DLGAP2: variants seen among roughly 807,000 people sequenced by gnomAD.
The protein encoded by DLGAP2 is DLG associated protein 2.
DLGAP2 carries 26 observed loss-of-function variants against 100.3 expected under a neutral mutation model. The observed-to-expected ratio is 0.26, with a 90% CI of 0.19 to 0.36. DLGAP2 has a LOEUF of 0.36. Ranked by LOEUF, DLGAP2 falls within the 10% of genes least tolerant of loss-of-function variation. The probability of loss-of-function intolerance (pLI) is 1.00; values close to 1 mark genes in which losing one functional copy is unlikely to be tolerated. For synonymous variants in DLGAP2, 886 were observed against 630.1 expected, an observed-to-expected ratio of 1.41 and a Z score of -6.08; for missense variants, 1,858 against 1,453.2, an observed-to-expected ratio of 1.28 and a Z score of -4.53.
intron 2 of DLGAP2, among the ~76,000 whole-genome samples, chr8:999,391 C>A (rs965475106): frequency 6.6e-6 from 1 of 151,354 alleles, no homozygotes; most frequent in Non-Finnish European, 1.5e-5. Flanking sequence ...TATTTTGAAT[C>A]TTCTATGTCA....
At chr8:1,483,158 G>T (rs1385317466) in intron 3 of DLGAP2, among the ~76,000 whole-genome samples, 1 of 152,202 alleles carries the variant, frequency 6.6e-6, no homozygotes, top group Non-Finnish European at 1.5e-5. Flanking sequence ...GCTGCTGGGC[G>T]TTTGCAGGGA....
In DLGAP2 at chr8:1,375,101, C is replaced by T. The variant is rs1020054139; in HGVS notation, c.106+116218C>T. ...CCTCTCCACGACCTCAGAACTGAGCCCCCACCTCCTACATTTGGGTTAACG... is the reference window on the plus strand; with the variant it reads ...CCTCTCCACGACCTCAGAACTGAGCTCCCACCTCCTACATTTGGGTTAACG... On this transcript the variant is annotated intron_variant, in intron 3 of 14. Transcript: ENST00000637795. Among the ~76,000 whole-genome samples the T allele has an allele frequency of 5.5e-5, 8 of 146,670 alleles. 1 individual carries two copies. The highest frequency in any genetic ancestry group is 1.2e-4 in the Non-Finnish European group (8 of 66,112).
chr8:1,377,008 G>T (rs190111093), intron 3 of DLGAP2, among the ~76,000 whole-genome samples: 119 of 152,368 alleles, frequency 7.8e-4, no homozygotes, highest in Non-Finnish European at 1.5e-3. Flanking sequence ...ACATGCTTCA[G>T]CAGAACCACA....
chr8:1,369,965 CAG>C (rs1461641505), intron 3 of DLGAP2: 5 of 152,238 alleles, frequency 3.3e-5, no homozygotes, highest in African/African-American at 1.2e-4. Flanking sequence ...CCTGAAATCT[CAG>C]AGTGATGGGG....
intron 3 of DLGAP2, among the ~76,000 whole-genome samples, chr8:1,452,280 G>A (rs117503767): frequency 1.6e-3 from 241 of 152,368 alleles, no homozygotes; most frequent in East Asian, 6.4e-3. Context: ...GTGTTCTGTG[G>A]CTGGGCGCTC....
intron 4 of DLGAP2, among the ~76,000 whole-genome samples, chr8:1,502,068 C>G (rs56127539): frequency 0.022 from 3,364 of 152,336 alleles, 120 homozygotes; most frequent in African/African-American, 0.075. Context: ...TTGAATACAT[C>G]TGACATCAAA....
intron 1 of DLGAP2, among the ~76,000 whole-genome samples, chr8:906,507 C>T (rs1798383588): frequency 6.6e-6 from 1 of 152,178 alleles, no homozygotes; most frequent in African/African-American, 2.4e-5. Flanking sequence ...GCGAGGAGCC[C>T]TCGAAGGCGT....
Position 1,379,198 on chromosome 8 carries a change from G to C in DLGAP2, c.106+120315G>C, listed in dbSNP as rs1796033247. ...CTCACGGGGCCACCCGCTGCCATCA[G>C]CCCGAGTCCTCCTGCCTTCGCAAAT... On this transcript the variant is annotated intron_variant, in intron 3 of 14. Transcript: ENST00000637795. Among the ~76,000 whole-genome samples, 3 of 152,264 alleles carry C rather than the reference G, an allele frequency of 2.0e-5. No individual in the cohort carries two copies. In the South Asian group the frequency reaches 6.2e-4, roughly 32 times the overall value.
At chr8:1,593,752 C>G (rs978160643) in intron 6 of DLGAP2, among the ~76,000 whole-genome samples, 9 of 152,296 alleles carry the variant, frequency 5.9e-5, no homozygotes, top group African/African-American at 2.2e-4. Flanking sequence ...CTGGCCCACT[C>G]TGGTTGCCTG....
At chr8:1,429,579 A>G (rs1479963356) in intron 3 of DLGAP2, among the ~76,000 whole-genome samples, 1 of 152,064 alleles carries the variant, frequency 6.6e-6, no homozygotes, top group Non-Finnish European at 1.5e-5. Flanking sequence ...TACAATAACA[A>G]CTTACAAGAA....
At chr8:1,411,253 T>C (rs763213049) in intron 3 of DLGAP2, among the ~76,000 whole-genome samples, 10 of 152,232 alleles carry the variant, frequency 6.6e-5, no homozygotes, top group Non-Finnish European at 1.5e-4. Flanking sequence ...CTTTTAACAA[T>C]GTGCAATGCA....
Position 1,703,531 on chromosome 8 carries a change from C to T in DLGAP2, c.*2125C>T, listed in dbSNP as rs985441904. 1.3e-5 allele frequency: 2 copies of T among 152,346 alleles called. No individual in the cohort carries two copies. The highest frequency in any genetic ancestry group is 6.6e-5 in the Admixed American group (1 of 15,258). The allele number at this position is 152,346 out of a possible 1,614,324, so 9.4% of individuals were successfully genotyped here. A position where few individuals can be genotyped will look rare whatever the true frequency, so the allele number is the denominator to read the frequency against. ...GATGAACTCTGCTGTTTAGAAGTAA[C>T]CACAGAAAAGCAAAGTCAGTGTACA... On this transcript the variant is annotated 3_prime_UTR_variant, in exon 15 of 15. Transcript: ENST00000637795.
intron 3 of DLGAP2, among the ~76,000 whole-genome samples, chr8:1,439,148 G>A (rs909400386): frequency 3.3e-5 from 5 of 152,092 alleles, no homozygotes; most frequent in Admixed American, 6.5e-5. Flanking sequence ...CACGTGGAGC[G>A]TTAAGTGCTG....
chr8:1,377,442 G>C (rs1795981178), intron 3 of DLGAP2, among the ~76,000 whole-genome samples: 1 of 152,258 alleles, frequency 6.6e-6, no homozygotes. Context: ...TACTCTGGAG[G>C]CTGAGACAGG....
chr8:1,366,772 G>A (rs577101223), intron 3 of DLGAP2, among the ~76,000 whole-genome samples: 62 of 152,266 alleles, frequency 4.1e-4, no homozygotes, highest in African/African-American at 1.3e-3. Flanking sequence ...TTCTGTCTCG[G>A]GTCCCCGCAG....
intron 1 of DLGAP2, among the ~76,000 whole-genome samples, chr8:867,797 G>A (rs1797526265): frequency 6.6e-6 from 1 of 152,188 alleles, no homozygotes; most frequent in Non-Finnish European, 1.5e-5. Flanking sequence ...GAATGATTCT[G>A]TTTTGAATAA....
chr8:1,090,912 T>C (rs1007753925), intron 2 of DLGAP2, among the ~76,000 whole-genome samples: 2 of 152,240 alleles, frequency 1.3e-5, no homozygotes, highest in African/African-American at 4.8e-5. Flanking sequence ...AGTTTAAACT[T>C]AGTATTCCAG....
intron 12 of DLGAP2, among the ~76,000 whole-genome samples, chr8:1,679,968 A>G (rs959251252): frequency 1.6e-5 from 2 of 127,764 alleles, no homozygotes; most frequent in Non-Finnish European, 1.6e-5. Context: ...CAACAGAATG[A>G]GACTCTGTCT....
intron 5 of DLGAP2, among the ~76,000 whole-genome samples, chr8:1,558,819 G>T (rs143619787): frequency 1.4e-5 from 2 of 138,992 alleles, no homozygotes; most frequent in African/African-American, 5.5e-5. Context: ...ACACACATAC[G>T]CACATGGGCA....
Sources: allele counts gnomAD v4.1 joint callset (sites outside exome capture counted in the v4.1 genomes callset), GRCh38; gene constraint gnomAD v4.1.1; transcripts MANE v1.5; gene names NCBI Gene and HGNC (gene_info 2026-07-23, HGNC 2026-07-21).